ZNF395: variants seen among roughly 807,000 people sequenced by gnomAD.
ZNF395 encodes the protein zinc finger protein 395.
ZNF395 carries 20 observed loss-of-function variants against 57.7 expected under a neutral mutation model. That is an observed-to-expected ratio of 0.35 (90% CI 0.24 to 0.50). The LOEUF (loss-of-function observed/expected upper bound fraction) is 0.50. Among genes scored for constraint, ZNF395 ranks in the 20% least tolerant of loss-of-function variants. The pLI is 0.97. For missense variants in ZNF395, 606 were observed against 671.2 expected, an observed-to-expected ratio of 0.90 and a Z score of 1.07; for synonymous variants, 295 against 275.9, an observed-to-expected ratio of 1.07 and a Z score of -0.69.
intron 3 of ZNF395, among the ~76,000 whole-genome samples, chr8:28,358,026 C>CAGGG (rs1801801631): frequency 6.6e-6 from 1 of 152,122 alleles, no homozygotes; most frequent in Admixed American, 6.6e-5. Context: ...ATATCTAAGC[C>CAGGG]AGGGGTAAGC....
rs1157527019 is a variant in ZNF395, at chr8:28,359,799, T to C, written c.266A>G (p.Glu89Gly). The C allele has an allele frequency of 6.2e-7, 1 of 1,613,960 alleles. No individual in the cohort carries two copies. Among genetic ancestry groups the C allele is most frequent in the Admixed American group, 1.7e-5 (1 of 60,012 alleles). The change falls in exon 3 of 10, where the codon GAG becomes GGG. Residue 89 changes from glutamate (E) to glycine (G), a missense_variant. Glu to Gly is a moderately conservative substitution (Grantham distance 98). Transcript: ENST00000344423. The surrounding 1 kb of genome is among the most constrained non-coding windows in gnomAD (Gnocchi z 4.7). ...GTGCTGCTCCACCAGTCCTGTGCACTCTTGACCCCCGTACCACACATAAAC... is the reference window on the plus strand; with the variant it reads ...GTGCTGCTCCACCAGTCCTGTGCACCCTTGACCCCCGTACCACACATAAAC... ...QKVYVWYGGQ[E>G]CTGLVEQHSW...
chr8:28,348,648 C>A lies in ZNF395; in HGVS notation c.*71G>T. On this transcript the variant is annotated 3_prime_UTR_variant, in exon 10 of 10. Coordinates refer to ENST00000344423, the MANE Select transcript of ZNF395 (RefSeq NM_018660.3). Reference sequence around the variant, plus strand: ...TTTCTCTTTCGGTTTCTGCTGAGGGCTGGTGACACACTGGCCTCTTGTCAG... The same window carrying A: ...TTTCTCTTTCGGTTTCTGCTGAGGGATGGTGACACACTGGCCTCTTGTCAG... The A allele has an allele frequency of 7.3e-7, 1 of 1,370,466 alleles. No homozygotes were observed. 84.9% of individuals were successfully genotyped at this position (1,370,466 alleles called of 1,614,324 possible). A position where few individuals can be genotyped will look rare whatever the true frequency, so the allele number is the denominator to read the frequency against.
Position 28,352,966 on chromosome 8 carries a change from G to A in ZNF395, c.819+207C>T, listed in dbSNP as rs1801735405. 6.6e-6 allele frequency among the ~76,000 whole-genome samples: 1 copy of A among 152,192 alleles called. No homozygotes were observed. The highest frequency in any genetic ancestry group is 6.5e-5 in the Admixed American group (1 of 15,288). On this transcript the variant is annotated intron_variant, in intron 5 of 9. Transcript: ENST00000344423. This position sits in a 1 kb window ranked among gnomAD's most constrained non-coding sequence, Gnocchi z 4.0. ...CAGGAAAGAAGGCAGGGATTGGGGTGGAGGCTAAAACAGAAGAGGCTTTAA... is the reference window on the plus strand; with the variant it reads ...CAGGAAAGAAGGCAGGGATTGGGGTAGAGGCTAAAACAGAAGAGGCTTTAA...
At chr8:28,351,948 C>G in intron 6 of ZNF395, 141 bp from the exon 7 acceptor site, 3 of 895,726 alleles carry the variant, frequency 3.3e-6, no homozygotes, top group Non-Finnish European at 5.0e-6. Context: ...CCAGGTGCCT[C>G]GCTCCTGACG....
chr8:28,372,612 C>T (rs1469359271), intron 1 of ZNF395, among the ~76,000 whole-genome samples: 1 of 152,160 alleles, frequency 6.6e-6, no homozygotes, highest in Non-Finnish European at 1.5e-5. Flanking sequence ...CACAGGCAGA[C>T]CCCATCTCTA....
In ZNF395 at chr8:28,351,754, T is replaced by G. The variant is rs1300957993; in HGVS notation, c.974A>C (p.Glu325Ala). 2 of 1,599,362 alleles carry G rather than the reference T, an allele frequency of 1.3e-6. No individual in the cohort carries two copies. The highest frequency in any genetic ancestry group is 3.3e-5 in the Admixed American group (2 of 59,886). The change falls in exon 7 of 10, where the codon GAG becomes GCG. Residue 325 changes from glutamate to alanine, a missense_variant. Around this residue, in one of 3 missense-constraint regions of ZNF395, gnomAD observed 261 missense variants for 240.3 expected, o/e 1.09. Transcript: ENST00000344423. Reference protein sequence around the residue: ...FKREEDFYYTEVQLKEESAAA... With the variant: ...FKREEDFYYTAVQLKEESAAA... ...AGCAGATTCCTCCTTCAGCTGCACCTCTGTGTAGTAGAAATCCTCCTCCCG... is the reference window on the plus strand; with the variant it reads ...AGCAGATTCCTCCTTCAGCTGCACCGCTGTGTAGTAGAAATCCTCCTCCCG...
chr8:28,346,145 G>GA lies in ZNF395; in HGVS notation c.*2573dup, dbSNP rs1168211771. Reference sequence around the variant, plus strand: ...TGAATATGATTCCAAGAAATATTCTGAAAAAAGTCACATCGCTGGAATAAA... The same window carrying GA: ...TGAATATGATTCCAAGAAATATTCTGAAAAAAAGTCACATCGCTGGAATAAA... On this transcript the variant is annotated 3_prime_UTR_variant, in exon 10 of 10. Transcript: ENST00000344423. 3.9e-5 allele frequency: 6 copies of GA among 152,102 alleles called. No homozygotes were observed. Among genetic ancestry groups the GA allele is most frequent in the African/African-American group, 1.4e-4 (6 of 41,418 alleles). The allele number at this position is 152,102 out of a possible 1,614,324, so 9.4% of individuals were successfully genotyped here. A position where few individuals can be genotyped will look rare whatever the true frequency, so the allele number is the denominator to read the frequency against.
At chr8:28,350,475 T>C (rs1801668152) in intron 7 of ZNF395, among the ~76,000 whole-genome samples, 1 of 152,206 alleles carries the variant, frequency 6.6e-6, no homozygotes, top group Admixed American at 6.5e-5. Context: ...GAACATGCCA[T>C]GGCACGTGCC....
rs1563335187 is a variant in ZNF395 at position 28,348,779 on chromosome 8, G to A, written c.1482C>T (p.His494=). ...KKCRKVYGIE[H]RDQWCTACRW... is the part of the protein sequence containing the mutation. Reference sequence around the variant, plus strand: ...GGCAGGCCGTGCACCACTGGTCCCGGTGCTCGATGCCATACACCTTGCGGC... The same window carrying A: ...GGCAGGCCGTGCACCACTGGTCCCGATGCTCGATGCCATACACCTTGCGGC... The change falls in exon 10 of 10, where the codon CAC becomes CAT. Residue 494 remains histidine, a synonymous_variant. Coordinates refer to ENST00000344423, the MANE Select transcript of ZNF395 (RefSeq NM_018660.3). 4.3e-6 allele frequency: 7 copies of A among 1,613,996 alleles called. No individual in the cohort carries two copies. In the South Asian group the frequency reaches 4.4e-5, roughly 10 times the overall value.
chr8:28,352,561 G>C lies in ZNF395; in HGVS notation c.920+12C>G, dbSNP rs1357637412. On this transcript the variant is annotated intron_variant, in intron 6 of 9. Transcript: ENST00000344423. This position sits in a 1 kb window ranked among gnomAD's most constrained non-coding sequence, Gnocchi z 4.0. ...CGCGACCCTAGGCTAGAGGCCCTGG[G>C]CTCGCACATACCCCAGATGGAGGGC... 1.2e-6 allele frequency: 2 copies of C among 1,613,188 alleles called. No homozygotes were observed. The highest frequency in any genetic ancestry group is 1.7e-6 in the Non-Finnish European group (2 of 1,179,342).
At position 28,360,970 on chromosome 8, in the gene ZNF395, G is replaced by T. The variant is rs372702512; in HGVS notation, c.155C>A (p.Thr52Asn). 27 of 1,613,586 alleles carry T rather than the reference G, an allele frequency of 1.7e-5. No homozygotes were observed. Among genetic ancestry groups the T allele is most frequent in the Non-Finnish European group, 2.2e-5 (26 of 1,179,756 alleles). ...APQPFTTSDD[T>N]PCQEQPKEVL... ...TTCCTTGGGCTGCTCCTGGCAGGGGGTGTCATCAGAGGTGGTGAAAGGCTG... is the reference window on the plus strand; with the variant it reads ...TTCCTTGGGCTGCTCCTGGCAGGGGTTGTCATCAGAGGTGGTGAAAGGCTG... The change falls in exon 2 of 10, where the codon ACC (threonine) becomes AAC (asparagine). Residue 52 changes from threonine to asparagine, a missense_variant. Thr to Asn is a moderately conservative substitution (Grantham distance 65, BLOSUM62 0). This residue lies in a region of ZNF395 where 309 missense variants were observed against 374.7 expected (regional missense o/e 0.82). Transcript: ENST00000344423.
chr8:28,373,873 C>A (rs1802006714), intron 1 of ZNF395, among the ~76,000 whole-genome samples: 1 of 152,168 alleles, frequency 6.6e-6, no homozygotes, highest in Non-Finnish European at 1.5e-5. Context: ...GGCAGGCATC[C>A]CCCGTCCCAC....
intron 1 of ZNF395, among the ~76,000 whole-genome samples, chr8:28,365,774 C>T (rs1188672625): frequency 6.6e-6 from 1 of 152,228 alleles, no homozygotes; most frequent in East Asian, 1.9e-4. Context: ...CTTTTCTGGG[C>T]TCAGCAAACA....
At chr8:28,355,329 T>C (rs1375745908) in intron 4 of ZNF395, among the ~76,000 whole-genome samples, 2 of 152,300 alleles carry the variant, frequency 1.3e-5, no homozygotes. Context: ...GGTTGTTGTA[T>C]AGACCACACT....
chr8:28,386,341 TCCGCGCCC>T (rs1278092876), intron 1 of ZNF395, 44 bp downstream of exon 1: 1 of 38,728 alleles, frequency 2.6e-5, no homozygotes, highest in African/African-American at 9.9e-5. Context: ...CCCCCGCGCC[TCCGCGCCC>T]CCGCACCCGC....
rs1347707034 is a variant in ZNF395 at position 28,346,897 on chromosome 8, G to A, written c.*1822C>T. On this transcript the variant is annotated 3_prime_UTR_variant, in exon 10 of 10. Coordinates refer to ENST00000344423, the MANE Select transcript of ZNF395 (RefSeq NM_018660.3). ...GGAAGGAGAGCCCTGCGCCACCTCA[G>A]GCTAGCCTGGCTTTGAGCTTTACCA... 2 of 151,968 alleles carry A rather than the reference G, an allele frequency of 1.3e-5. No individual in the cohort carries two copies. Among genetic ancestry groups the A allele is most frequent in the Non-Finnish European group, 2.9e-5 (2 of 67,988 alleles). 9.4% of individuals were successfully genotyped at this position (151,968 alleles called of 1,614,324 possible).
Position 28,348,563 on chromosome 8 carries a change from A to G in ZNF395, c.*156T>C, listed in dbSNP as rs949757532. 3.1e-6 allele frequency: 2 copies of G among 646,562 alleles called. No homozygotes were observed. Among genetic ancestry groups the G allele is most frequent in the Non-Finnish European group, 2.7e-6 (1 of 364,516 alleles). 40.1% of individuals were successfully genotyped at this position (646,562 alleles called of 1,614,324 possible). Reference sequence around the variant, plus strand: ...AAAAATAAAATGTTCGCACAATGGGAGAAAATTGCTTTAAGTGTTACACCT... The same window carrying G: ...AAAAATAAAATGTTCGCACAATGGGGGAAAATTGCTTTAAGTGTTACACCT... On this transcript the variant is annotated 3_prime_UTR_variant, in exon 10 of 10. Transcript: ENST00000344423.
In ZNF395 at chr8:28,350,127, T is replaced by G. The variant is rs1585849907; in HGVS notation, c.1263A>C (p.Ser421=). Residue 421 remains serine (S), a synonymous_variant, in exon 8 of 10, where the codon TCA becomes TCC. Transcript: ENST00000344423. ...QALPSFQIPV[S]PHIYTSVSWA... ...AGCTGACACTGGTGTAGATGTGTGGTGAGACTGGGATCTGGAAGGATGGCA... is the reference window on the plus strand; with the variant it reads ...AGCTGACACTGGTGTAGATGTGTGGGGAGACTGGGATCTGGAAGGATGGCA... 6.2e-7 allele frequency: 1 copy of G among 1,605,500 alleles called. No homozygotes were observed. The highest frequency in any genetic ancestry group is 8.5e-7 in the Non-Finnish European group (1 of 1,177,348).
intron 1 of ZNF395, among the ~76,000 whole-genome samples, chr8:28,373,750 T>G (rs997772745): frequency 2.0e-5 from 3 of 152,170 alleles, no homozygotes; most frequent in African/African-American, 4.8e-5. Flanking sequence ...ATACCAACCC[T>G]TCCCACAAAC....
Sources: gnomAD v4.1 joint callset for allele counts (sites outside exome capture counted in the v4.1 genomes callset) on GRCh38, gnomAD v4.1.1 for gene constraint, gnomAD v4.1.1 regional missense constraint, Gnocchi (gnomAD v3.1) non-coding constraint, MANE v1.5 for transcripts, NCBI Gene and HGNC (gene_info 2026-07-23, HGNC 2026-07-21) for gene names.